The following MICU1 variants were observed in gnomAD, a reference collection of about 807,000 sequenced individuals.
MICU1 encodes mitochondrial calcium uptake 1, also known as calcium uptake protein 1, mitochondrial.
Under a neutral mutation model 56.8 loss-of-function variants are expected in MICU1, and 45 were observed. That is an observed-to-expected ratio of 0.79 (90% CI 0.62 to 1.02). MICU1 has a LOEUF of 1.02. Ranked by LOEUF, MICU1 falls within the 50% of genes least tolerant of loss-of-function variation. MICU1 has a pLI of 0.00. For synonymous variants in MICU1, 186 were observed against 195.1 expected (o/e 0.95, Z 0.39); for missense variants, 504 against 587.1 (o/e 0.86, Z 1.46).
chr10:72,496,926 T>TA (rs1204119043), intron 6 of MICU1, among the ~76,000 whole-genome samples: 1 of 152,198 alleles, frequency 6.6e-6, no homozygotes, highest in African/African-American at 2.4e-5. Context: ...ATTCTTACTA[T>TA]ATGCCAGACA....
chr10:72,607,046 T>C (rs567995029), intron 1 of MICU1, among the ~76,000 whole-genome samples: 3 of 152,134 alleles, frequency 2.0e-5, no homozygotes, highest in South Asian at 2.1e-4. Flanking sequence ...CCTTTTAAGA[T>C]ATGCAAGTTA....
chr10:72,428,047 G>A (rs1864407186), intron 8 of MICU1, among the ~76,000 whole-genome samples: 1 of 152,096 alleles, frequency 6.6e-6, no homozygotes, highest in Admixed American at 6.6e-5. Flanking sequence ...TACTGCAATT[G>A]ACAAGGGACA....
intron 3 of MICU1, among the ~76,000 whole-genome samples, chr10:72,560,668 G>A (rs1183624298): frequency 2.0e-5 from 3 of 152,062 alleles, no homozygotes; most frequent in Non-Finnish European, 4.4e-5. Flanking sequence ...TCAGGAGTTC[G>A]AGACCAGTCT....
chr10:72,432,005 T>C (rs754094001), intron 8 of MICU1, among the ~76,000 whole-genome samples: 6 of 152,134 alleles, frequency 3.9e-5, no homozygotes, highest in Non-Finnish European at 8.8e-5. Flanking sequence ...TTTTTTATGT[T>C]GTCTATTTTT....
intron 10 of MICU1, among the ~76,000 whole-genome samples, chr10:72,391,793 A>T (rs1863081031): frequency 1.3e-5 from 2 of 152,248 alleles, no homozygotes; most frequent in South Asian, 4.1e-4. Context: ...TAAAAAATAT[A>T]TAGATACTAG....
intron 10 of MICU1, among the ~76,000 whole-genome samples, chr10:72,387,909 G>A (rs551957269): frequency 6.6e-6 from 1 of 152,116 alleles, no homozygotes; most frequent in East Asian, 1.9e-4. Context: ...ACCAGAACAG[G>A]CAGTTTGGTA....
intron 4 of MICU1, among the ~76,000 whole-genome samples, chr10:72,549,966 C>A (rs1464389358): frequency 6.8e-6 from 1 of 146,190 alleles, no homozygotes; most frequent in African/African-American, 2.5e-5. Flanking sequence ...TTCTTCATAT[C>A]CTACTCCTAT....
chr10:72,369,677 T>C (rs1862260962), intron 11 of MICU1, among the ~76,000 whole-genome samples: 2 of 150,946 alleles, frequency 1.3e-5, no homozygotes. Flanking sequence ...GGAAGAAACT[T>C]TGGAGAGCAT....
chr10:72,586,836 T>C (rs115889290), intron 1 of MICU1, among the ~76,000 whole-genome samples: 3,286 of 152,328 alleles, frequency 0.022, 120 homozygotes, highest in African/African-American at 0.075. Context: ...ACAGGTGTAG[T>C]TGAAGACTAT....
Position 72,403,670 on chromosome 10 carries a change from T to C in MICU1, c.1180+4259A>G, listed in dbSNP as rs987289085. On this transcript the variant is annotated intron_variant, in intron 10 of 11. Coordinates refer to ENST00000361114, the MANE Select transcript of MICU1 (RefSeq NM_001195518.2). Reference sequence around the variant, plus strand: ...GTGTGTGTGTGTGTGTGTGTGTGTGTTTTGAGACGGAGTCTCGCTCTGTTG... The same window carrying C: ...GTGTGTGTGTGTGTGTGTGTGTGTGCTTTGAGACGGAGTCTCGCTCTGTTG... Among the ~76,000 whole-genome samples, 28 of 149,706 alleles carry C rather than the reference T, an allele frequency of 1.9e-4. No homozygotes were observed. The South Asian group carries it at 3.4e-3, about 18-fold the overall frequency.
intron 3 of MICU1, among the ~76,000 whole-genome samples, chr10:72,554,870 G>T (rs950942156): frequency 2.6e-5 from 4 of 152,034 alleles, no homozygotes; most frequent in South Asian, 2.1e-4. Flanking sequence ...CAAAAATTAG[G>T]TAGTTGTGGT....
intron 6 of MICU1, among the ~76,000 whole-genome samples, chr10:72,481,125 C>G (rs1266393879): frequency 1.3e-5 from 2 of 152,214 alleles, no homozygotes; most frequent in African/African-American, 4.8e-5. Context: ...CAGGGCCAGT[C>G]TTTCTAGAAA....
chr10:72,588,565 T>C (rs917193561), intron 1 of MICU1, among the ~76,000 whole-genome samples: 4 of 152,212 alleles, frequency 2.6e-5, no homozygotes, highest in African/African-American at 9.6e-5. Flanking sequence ...TTGGTTAGTG[T>C]AGTTAGACAA....
At chr10:72,597,178 T>C (rs1383560863) in intron 1 of MICU1, among the ~76,000 whole-genome samples, 1 of 152,198 alleles carries the variant, frequency 6.6e-6, no homozygotes, top group Admixed American at 6.5e-5. Context: ...TTTATCCAGA[T>C]TCTATCACAA....
At chr10:72,406,376 G>A (rs763732370) in intron 10 of MICU1, among the ~76,000 whole-genome samples, 1 of 152,034 alleles carries the variant, frequency 6.6e-6, no homozygotes, top group Non-Finnish European at 1.5e-5. Context: ...ATTATAAGAT[G>A]CTATATTACA....
At chr10:72,484,162 C>T (rs996837136) in intron 6 of MICU1, among the ~76,000 whole-genome samples, 5 of 152,078 alleles carry the variant, frequency 3.3e-5, no homozygotes, top group Admixed American at 6.6e-5. Context: ...CAGCATTCTG[C>T]CATTTAAAAT....
intron 11 of MICU1, among the ~76,000 whole-genome samples, chr10:72,370,062 T>C (rs1862280144): frequency 6.6e-6 from 1 of 152,110 alleles, no homozygotes; most frequent in African/African-American, 2.4e-5. Flanking sequence ...GTATTTTTAG[T>C]AGAGATGGGT....
intron 11 of MICU1, among the ~76,000 whole-genome samples, chr10:72,374,448 C>G (rs1260346879): frequency 6.6e-6 from 1 of 152,146 alleles, no homozygotes; most frequent in Non-Finnish European, 1.5e-5. Flanking sequence ...TTAAATAACT[C>G]AAGTTCAACT....
At chr10:72,470,108 C>G (rs1272436060) in intron 8 of MICU1, among the ~76,000 whole-genome samples, 2 of 152,182 alleles carry the variant, frequency 1.3e-5, no homozygotes, top group Non-Finnish European at 2.9e-5. Context: ...TCTCACTTAA[C>G]CATTGCCCTG....
Sources: gnomAD v4.1 joint callset for allele counts (sites outside exome capture counted in the v4.1 genomes callset) on GRCh38, gnomAD v4.1.1 for gene constraint, MANE v1.5 for transcripts, NCBI Gene and HGNC (gene_info 2026-07-23, HGNC 2026-07-21) for gene names.